The following ITGA8 variants were observed in gnomAD, a reference collection of about 807,000 sequenced individuals.
ITGA8 encodes integrin alpha-8.
In ITGA8, 91 loss-of-function variants were observed where a neutral mutation model predicts 142.3. That is an observed-to-expected ratio of 0.64 (90% CI 0.54 to 0.76). The LOEUF (loss-of-function observed/expected upper bound fraction) is 0.76, where lower values mean the gene tolerates loss of function less well. Among genes scored for constraint, ITGA8 ranks in the 30% least tolerant of loss-of-function variants. The pLI is 0.00. For synonymous variants in ITGA8, 505 were observed against 485.2 expected, an observed-to-expected ratio of 1.04 and a Z score of -0.54; for missense variants, 1,406 against 1,327.7, an observed-to-expected ratio of 1.06 and a Z score of -0.92.
intron 20 of ITGA8, among the ~76,000 whole-genome samples, chr10:15,600,368 T>G (rs1162035670): frequency 6.6e-6 from 1 of 152,222 alleles, no homozygotes; most frequent in Non-Finnish European, 1.5e-5. Flanking sequence ...TAAGCCTCAA[T>G]TTTTATTAAG....
intron 13 of ITGA8, among the ~76,000 whole-genome samples, chr10:15,637,504 A>ATTTTTTTTTTTT (rs59157680): frequency 1.5e-5 from 2 of 131,162 alleles, no homozygotes; most frequent in Non-Finnish European, 3.3e-5. Flanking sequence ...GACTCTTTAA[A>ATTTTTTTTTTTT]TTTTTTTTTT....
intron 13 of ITGA8, among the ~76,000 whole-genome samples, chr10:15,632,682 T>C (rs1833704679): frequency 6.6e-6 from 1 of 152,090 alleles, no homozygotes; most frequent in Admixed American, 6.5e-5. Flanking sequence ...TCAATCATGG[T>C]GAGGATATTT....
chr10:15,650,891 C>T (rs1413402720), intron 11 of ITGA8, among the ~76,000 whole-genome samples: 1 of 152,176 alleles, frequency 6.6e-6, no homozygotes, highest in Non-Finnish European at 1.5e-5. Context: ...AATTAATCTA[C>T]AACCTCTTTA....
chr10:15,688,044 A>C lies in ITGA8; in HGVS notation c.344-6T>G. ...AACTCTGATCTTTCTGTTGTCTGTC[A>C]AAGAAGATAGGAAGAGTTAATAATT... On this transcript the variant is annotated splice_polypyrimidine_tract_variant and splice_region_variant and intron_variant, in intron 2 of 29. Coordinates refer to ENST00000378076, the MANE Select transcript of ITGA8 (RefSeq NM_003638.3). 6.3e-7 allele frequency: 1 copy of C among 1,579,616 alleles called. No homozygotes were observed. The highest frequency in any genetic ancestry group is 8.7e-7 in the Non-Finnish European group (1 of 1,148,680).
intron 25 of ITGA8, among the ~76,000 whole-genome samples, chr10:15,559,026 A>G (rs2131568584): frequency 6.6e-6 from 1 of 152,336 alleles, no homozygotes; most frequent in East Asian, 1.9e-4. Context: ...TAGTCACAGG[A>G]GCAATAATAG....
chr10:15,520,942 T>C (rs1462539034), intron 28 of ITGA8, among the ~76,000 whole-genome samples: 3 of 152,192 alleles, frequency 2.0e-5, no homozygotes, highest in Non-Finnish European at 4.4e-5. Flanking sequence ...GGAAATGTAT[T>C]GGTGTTTTCA....
At chr10:15,547,743 A>C (rs1416069720) in intron 27 of ITGA8, among the ~76,000 whole-genome samples, 1 of 152,216 alleles carries the variant, frequency 6.6e-6, no homozygotes, top group Non-Finnish European at 1.5e-5. Flanking sequence ...GGACCACTTG[A>C]CAAGAGGAAC....
At chr10:15,708,904 T>G (rs1835310699) in intron 2 of ITGA8, among the ~76,000 whole-genome samples, 1 of 152,200 alleles carries the variant, frequency 6.6e-6, no homozygotes, top group Admixed American at 6.5e-5. Context: ...TGGCTTGAAC[T>G]GGCCAAGCCT....
At chr10:15,572,876 C>T (rs1007724780) in intron 24 of ITGA8, among the ~76,000 whole-genome samples, 4 of 152,112 alleles carry the variant, frequency 2.6e-5, no homozygotes, top group African/African-American at 9.7e-5. Context: ...ATTTCGAGTG[C>T]GTGTTTCAAA....
intron 17 of ITGA8, 76 bp downstream of exon 17, chr10:15,607,601 A>G: frequency 7.2e-7 from 1 of 1,389,152 alleles, no homozygotes; most frequent in Non-Finnish European, 1.0e-6. Context: ...GACAAACATG[A>G]TGGTTAAATG....
intron 28 of ITGA8, among the ~76,000 whole-genome samples, chr10:15,522,629 T>C (rs552071048): frequency 1.3e-5 from 2 of 152,332 alleles, no homozygotes; most frequent in South Asian, 4.1e-4. Flanking sequence ...AGTCCCTACT[T>C]TGAGCATGTG....
chr10:15,540,578 T>C (rs1009916231), intron 27 of ITGA8, among the ~76,000 whole-genome samples: 1 of 152,134 alleles, frequency 6.6e-6, no homozygotes, highest in Non-Finnish European at 1.5e-5. Context: ...TCAGAACAGC[T>C]TGTGGCTTGA....
chr10:15,586,882 G>A (rs926380079), intron 22 of ITGA8, among the ~76,000 whole-genome samples: 3 of 151,888 alleles, frequency 2.0e-5, no homozygotes, highest in African/African-American at 7.3e-5. Context: ...TCTATGAAGA[G>A]ACACTTTATC....
In ITGA8 at chr10:15,516,050, A is replaced by G. The variant is rs1832956955; in HGVS notation, c.*1108T>C. On this transcript the variant is annotated 3_prime_UTR_variant, in exon 30 of 30. Transcript: ENST00000378076. ...TTCAACATGTTTTCTCTGTGTATAC[A>G]AGTACAAGGCATAGCAGGAAAAACG... The G allele has an allele frequency of 6.6e-6, 1 of 152,186 alleles. No homozygotes were observed. Among genetic ancestry groups the G allele is most frequent in the Non-Finnish European group, 1.5e-5 (1 of 68,034 alleles). The allele number at this position is 152,186 out of a possible 1,614,324, so 9.4% of individuals were successfully genotyped here.
intron 3 of ITGA8, among the ~76,000 whole-genome samples, chr10:15,685,845 A>T (rs1834825015): frequency 6.6e-6 from 1 of 152,248 alleles, no homozygotes; most frequent in African/African-American, 2.4e-5. Context: ...AGAAGTTTAG[A>T]TTCTCACAAG....
chr10:15,601,196 G>T (rs1833098630), intron 20 of ITGA8, among the ~76,000 whole-genome samples: 1 of 152,022 alleles, frequency 6.6e-6, no homozygotes, highest in South Asian at 2.1e-4. Flanking sequence ...CCAAGATCAT[G>T]CCTCTGCACT....
intron 2 of ITGA8, among the ~76,000 whole-genome samples, chr10:15,691,043 A>G (rs1455143251): frequency 5.9e-5 from 9 of 152,230 alleles, no homozygotes; most frequent in Non-Finnish European, 1.3e-4. Flanking sequence ...CTGGACAGAT[A>G]TTTTATGAAA....
rs1471025040 is a variant in ITGA8 at position 15,516,217 on chromosome 10, A to G, written c.*941T>C. 1 of 152,244 alleles carries G rather than the reference A, an allele frequency of 6.6e-6. No homozygotes were observed. The highest frequency in any genetic ancestry group is 1.5e-5 in the Non-Finnish European group (1 of 68,046). 9.4% of individuals were successfully genotyped at this position (152,244 alleles called of 1,614,324 possible). ...CATGACTTTTAAACACTCCAAAGGTAGAGAGTACCTCGAAATTCATGTATT... is the reference window on the plus strand; with the variant it reads ...CATGACTTTTAAACACTCCAAAGGTGGAGAGTACCTCGAAATTCATGTATT... On this transcript the variant is annotated 3_prime_UTR_variant, in exon 30 of 30. Coordinates refer to ENST00000378076, the MANE Select transcript of ITGA8 (RefSeq NM_003638.3).
intron 23 of ITGA8, among the ~76,000 whole-genome samples, chr10:15,580,228 A>T (rs1362109161): frequency 6.6e-6 from 1 of 152,002 alleles, no homozygotes; most frequent in Non-Finnish European, 1.5e-5. Context: ...TATTAAAAGG[A>T]CAATGAGAGA....
Sources: gnomAD v4.1 joint callset for allele counts (sites outside exome capture counted in the v4.1 genomes callset) on GRCh38, gnomAD v4.1.1 for gene constraint, MANE v1.5 for transcripts, NCBI Gene and HGNC (gene_info 2026-07-23, HGNC 2026-07-21) for gene names.